Variants in NPFFR2 observed in about 807,000 individuals in gnomAD.
The protein encoded by NPFFR2 is neuropeptide FF receptor 2, also known as G-protein coupled receptor 74.
In NPFFR2, 15 loss-of-function variants were observed where a neutral mutation model predicts 13.1. The observed-to-expected ratio is 1.15, with a 90% CI of 0.77 to 1.76. NPFFR2 has a LOEUF of 1.76. Among genes scored for constraint, NPFFR2 ranks in the 40% most tolerant of loss-of-function variants. NPFFR2 has a pLI of 0.00. For missense variants in NPFFR2, 572 were observed against 503.5 expected, an observed-to-expected ratio of 1.14 and a Z score of -1.30; for synonymous variants, 190 against 175.7, an observed-to-expected ratio of 1.08 and a Z score of -0.65.
intron 1 of NPFFR2, among the ~76,000 whole-genome samples, chr4:72,064,242 T>G (rs143589877): frequency 1.3e-5 from 2 of 152,338 alleles, no homozygotes; most frequent in East Asian, 3.9e-4. Context: ...ATGGCTCACC[T>G]GGGCCCTCTG....
chr4:72,147,279 A>C lies in NPFFR2; in HGVS notation c.730A>C (p.Ile244Leu). 6.2e-7 allele frequency: 1 copy of C among 1,614,090 alleles called. No individual in the cohort carries two copies. The highest frequency in any genetic ancestry group is 1.1e-5 in the South Asian group (1 of 91,082). ...TGTCATCATGTATGGAAGGATTGGA[A>C]TTTCACTCTTCAGGGCTGCAGTTCC... Reference protein sequence around the residue: ...LIVIMYGRIGISLFRAAVPHT... With the variant: ...LIVIMYGRIGLSLFRAAVPHT... The change falls in exon 4 of 4, where the codon ATT becomes CTT. Residue 244 changes from isoleucine to leucine, a missense_variant. Coordinates refer to ENST00000308744, the MANE Select transcript of NPFFR2 (RefSeq NM_004885.3).
intron 3 of NPFFR2, among the ~76,000 whole-genome samples, chr4:72,142,506 C>T (rs1486297921): frequency 6.6e-6 from 1 of 152,156 alleles, no homozygotes. Context: ...AACCCATCTT[C>T]TGCATCTATC....
At chr4:72,069,302 A>C (rs1180730634) in intron 1 of NPFFR2, among the ~76,000 whole-genome samples, 1 of 152,146 alleles carries the variant, frequency 6.6e-6, no homozygotes, top group Non-Finnish European at 1.5e-5. Context: ...GTAAATTATC[A>C]AATTATATCA....
intron 1 of NPFFR2, among the ~76,000 whole-genome samples, chr4:72,069,553 A>C (rs2109782363): frequency 6.6e-6 from 1 of 152,284 alleles, no homozygotes; most frequent in Admixed American, 6.5e-5. Flanking sequence ...TGATCACTGC[A>C]GATGTTGTTA....
At chr4:72,100,523 C>T (rs1721209990) in intron 1 of NPFFR2, among the ~76,000 whole-genome samples, 2 of 151,958 alleles carry the variant, frequency 1.3e-5, no homozygotes, top group South Asian at 4.1e-4. Context: ...ATTTCTGACT[C>T]TCTGATAATA....
At chr4:72,036,065 A>T (rs868400374) in intron 1 of NPFFR2, among the ~76,000 whole-genome samples, 4 of 152,336 alleles carry the variant, frequency 2.6e-5, no homozygotes, top group Admixed American at 2.0e-4. Flanking sequence ...GCCAAACGAG[A>T]TCAAAATATC....
chr4:72,138,081 G>A lies in NPFFR2; in HGVS notation c.370G>A (p.Val124Ile). 1 of 1,613,728 alleles carries A rather than the reference G, an allele frequency of 6.2e-7. No homozygotes were observed. The highest frequency in any genetic ancestry group is 8.5e-7 in the Non-Finnish European group (1 of 1,179,792). The stretch of plus-strand genomic sequence containing the variant: ...CACGATGTGCAAGATCAGTGGATTG[G>A]TCCAGGGAATATCTGTCGCAGCTTC... Reference protein sequence around the residue: ...GNTMCKISGLVQGISVAASVF... With the variant: ...GNTMCKISGLIQGISVAASVF... The change falls in exon 3 of 4, where the codon GTC (valine) becomes ATC (isoleucine). Residue 124 changes from valine to isoleucine, a missense_variant. By Grantham distance (29) the Val-to-Ile change is conservative. Coordinates refer to ENST00000308744, the MANE Select transcript of NPFFR2 (RefSeq NM_004885.3).
At chr4:72,085,804 T>G (rs571260354) in intron 1 of NPFFR2, among the ~76,000 whole-genome samples, 2 of 152,222 alleles carry the variant, frequency 1.3e-5, no homozygotes, top group South Asian at 4.1e-4. Context: ...CAAACTAAAG[T>G]TTTTAAATGA....
At chr4:72,041,108 G>A (rs926940726) in intron 1 of NPFFR2, among the ~76,000 whole-genome samples, 3 of 152,038 alleles carry the variant, frequency 2.0e-5, no homozygotes, top group Non-Finnish European at 4.4e-5. Flanking sequence ...GGTAGTGAGC[G>A]AACTACCCAA....
At chr4:72,138,794 G>T (rs1390280893) in intron 3 of NPFFR2, among the ~76,000 whole-genome samples, 1 of 152,088 alleles carries the variant, frequency 6.6e-6, no homozygotes, top group African/African-American at 2.4e-5. Context: ...GGATTGCTGG[G>T]TCAAATGGTA....
chr4:72,125,227 A>G (rs181979408), intron 1 of NPFFR2, among the ~76,000 whole-genome samples: 72 of 152,364 alleles, frequency 4.7e-4, no homozygotes, highest in African/African-American at 1.7e-3. Flanking sequence ...CTACAATGAG[A>G]TACCATCTCA....
At chr4:72,058,262 C>T (rs973448709) in intron 1 of NPFFR2, among the ~76,000 whole-genome samples, 3 of 151,772 alleles carry the variant, frequency 2.0e-5, no homozygotes, top group Admixed American at 6.6e-5. Context: ...TTAGAAAATA[C>T]TATGTATATA....
chr4:72,055,452 T>G (rs965588507), intron 1 of NPFFR2, among the ~76,000 whole-genome samples: 9 of 151,930 alleles, frequency 5.9e-5, no homozygotes, highest in African/African-American at 2.2e-4. Context: ...CCATAGCACA[T>G]AGTAGAGCAG....
chr4:72,139,722 G>C (rs1191451244), intron 3 of NPFFR2, among the ~76,000 whole-genome samples: 1 of 152,144 alleles, frequency 6.6e-6, no homozygotes, highest in African/African-American at 2.4e-5. Context: ...TTTGGCTTAG[G>C]ATTATCTTGG....
At chr4:72,133,633 C>T (rs533131057) in intron 2 of NPFFR2, among the ~76,000 whole-genome samples, 85 of 152,252 alleles carry the variant, frequency 5.6e-4, no homozygotes, top group African/African-American at 2.0e-3. Context: ...TTCTTCCTAT[C>T]CGTGGGCATG....
intron 1 of NPFFR2, among the ~76,000 whole-genome samples, chr4:72,048,329 G>T (rs567173914): frequency 6.6e-6 from 1 of 152,176 alleles, no homozygotes; most frequent in East Asian, 1.9e-4. Flanking sequence ...CTAGAAGGGG[G>T]TAATTTGGGT....
At chr4:72,064,694 A>C (rs1400668968) in intron 1 of NPFFR2, among the ~76,000 whole-genome samples, 1 of 152,194 alleles carries the variant, frequency 6.6e-6, no homozygotes, top group African/African-American at 2.4e-5. Context: ...GAGTGACAGT[A>C]CTAGGAAAAG....
In NPFFR2 at chr4:72,147,626, T is replaced by C. The variant is rs1226251781; in HGVS notation, c.1077T>C (p.Pro359=). Residue 359 remains proline (P), a synonymous_variant, in exon 4 of 4, where the codon CCT becomes CCC. Transcript: ENST00000308744. ...AGCTCTGCCAAAAAAGAGCAAAGCC[T>C]ATGGAAGCTTATGCCCTAAAAGCTA... ...QLQLCQKRAK[P]MEAYALKAKS... 1.2e-6 allele frequency: 2 copies of C among 1,614,158 alleles called. No homozygotes were observed. Among genetic ancestry groups the C allele is most frequent in the Non-Finnish European group, 8.5e-7 (1 of 1,180,022 alleles).
At chr4:72,134,133 C>T (rs1409128288) in intron 2 of NPFFR2, among the ~76,000 whole-genome samples, 10 of 151,992 alleles carry the variant, frequency 6.6e-5, no homozygotes, top group African/African-American at 1.2e-4. Flanking sequence ...GGTATGGTGG[C>T]GTGCACCTGT....
Sources: gnomAD v4.1 joint callset for allele counts (sites outside exome capture counted in the v4.1 genomes callset) on GRCh38, gnomAD v4.1.1 for gene constraint, MANE v1.5 for transcripts, NCBI Gene and HGNC (gene_info 2026-07-23, HGNC 2026-07-21) for gene names.